Variants in GALNT11 observed in about 807,000 individuals in gnomAD.
The protein encoded by GALNT11 is polypeptide N-acetylgalactosaminyltransferase 11, also known as UDP-GalNAc:polypeptide N-acetylgalactosaminyltransferase 11.
A neutral mutation model predicts 72.7 loss-of-function variants in GALNT11; 47 were observed. That is an observed-to-expected ratio of 0.65 (90% CI 0.51 to 0.82). The LOEUF (loss-of-function observed/expected upper bound fraction) is 0.82, where lower values mean the gene tolerates loss of function less well. Ranked by LOEUF, GALNT11 falls within the 40% of genes least tolerant of loss-of-function variation. GALNT11 has a pLI of 0.00. For missense variants in GALNT11, 677 were observed against 778.4 expected, an observed-to-expected ratio of 0.87 and a Z score of 1.55; for synonymous variants, 270 against 286.6, an observed-to-expected ratio of 0.94 and a Z score of 0.58.
At chr7:152,029,250 C>G (rs899901339) in intron 1 of GALNT11, among the ~76,000 whole-genome samples, 9 of 152,152 alleles carry the variant, frequency 5.9e-5, no homozygotes, top group African/African-American at 2.2e-4. Flanking sequence ...TAGTTACTAT[C>G]CTTACTGGAT....
chr7:152,064,158 A>G (rs1040129319), intron 1 of GALNT11, among the ~76,000 whole-genome samples: 2 of 152,152 alleles, frequency 1.3e-5, no homozygotes, highest in African/African-American at 4.8e-5. Flanking sequence ...TTGGGTGCAT[A>G]TATATTTAGG....
In GALNT11 at chr7:152,120,889, T is replaced by C; in HGVS notation, c.1616T>C (p.Met539Thr). The change falls in exon 11 of 12, where the codon ATG (methionine) becomes ACG (threonine). Residue 539 changes from methionine (M) to threonine (T), a missense_variant. By Grantham distance (81) the Met-to-Thr change is moderately conservative. Transcript: ENST00000430044. ...LVLNSLLCLD[M>T]SETRSSDPPR... ...TTAAATAGTCTCCTTTGTCTAGATA[T>C]GTCAGAGACTCGCTCATCAGACCCG... 1 of 1,613,510 alleles carries C rather than the reference T, an allele frequency of 6.2e-7. No homozygotes were observed. The highest frequency in any genetic ancestry group is 8.5e-7 in the Non-Finnish European group (1 of 1,179,482).
At chr7:152,091,457 G>C (rs951098877) in intron 1 of GALNT11, among the ~76,000 whole-genome samples, 2 of 152,180 alleles carry the variant, frequency 1.3e-5, no homozygotes, top group East Asian at 3.9e-4. Flanking sequence ...GGCCGGGCTG[G>C]TCTCAAACTC....
intron 1 of GALNT11, among the ~76,000 whole-genome samples, chr7:152,046,916 G>A (rs1586981028): frequency 1.3e-5 from 2 of 152,044 alleles, no homozygotes; most frequent in Non-Finnish European, 2.9e-5. Flanking sequence ...ATTTTCTCTG[G>A]TGGTATGTTT....
At chr7:152,099,855 C>T (rs1227165031) in intron 2 of GALNT11, among the ~76,000 whole-genome samples, 3 of 144,476 alleles carry the variant, frequency 2.1e-5, no homozygotes, top group African/African-American at 7.7e-5. Context: ...ACCTTGATGT[C>T]CTGGGCTCAA....
intron 11 of GALNT11, 113 bp downstream of exon 11, chr7:152,121,081 G>A: frequency 7.7e-7 from 1 of 1,293,088 alleles, no homozygotes; most frequent in Non-Finnish European, 1.0e-6. Context: ...TCAGTCTGCA[G>A]TACAGTGGTC....
intron 1 of GALNT11, among the ~76,000 whole-genome samples, chr7:152,036,500 C>G (rs2082586680): frequency 6.6e-6 from 1 of 152,132 alleles, no homozygotes; most frequent in Non-Finnish European, 1.5e-5. Flanking sequence ...TGTTGATGGA[C>G]ATTTAGGTTG....
chr7:152,032,085 C>G lies in GALNT11; in HGVS notation c.-39+6201C>G, dbSNP rs147885841. 5.3e-3 allele frequency among the ~76,000 whole-genome samples: 802 copies of G among 152,282 alleles called. 8 individuals carry two copies. Among genetic ancestry groups the G allele is most frequent in the African/African-American group, 0.019 (771 of 41,538 alleles). ...CTAGATGCCTTGTACCCTTGATTAG[C>G]TAGAAAATTCAAGAGATCTAGAGTA... On this transcript the variant is annotated intron_variant, in intron 1 of 11. Coordinates refer to ENST00000430044, the MANE Select transcript of GALNT11 (RefSeq NM_022087.4).
chr7:152,106,210 AT>A (rs2087535256), intron 5 of GALNT11, among the ~76,000 whole-genome samples: 2 of 152,372 alleles, frequency 1.3e-5, no homozygotes, highest in South Asian at 4.1e-4. Flanking sequence ...TTTGAAAATC[AT>A]TTGAGAATGA....
intron 4 of GALNT11, 39 bp from the exon 5 acceptor site, chr7:152,105,206 T>C: frequency 6.3e-7 from 1 of 1,599,158 alleles, no homozygotes; most frequent in Non-Finnish European, 8.5e-7. Flanking sequence ...TTTATATATG[T>C]CTCATACAGT....
chr7:152,091,301 C>T (rs904405046), intron 1 of GALNT11, among the ~76,000 whole-genome samples: 15 of 147,178 alleles, frequency 1.0e-4, no homozygotes, highest in Non-Finnish European at 1.6e-4. Flanking sequence ...ATTGCAATGG[C>T]GCGATCTCGG....
At chr7:152,103,370 G>C in intron 4 of GALNT11, 92 bp downstream of exon 4, 1 of 1,328,386 alleles carries the variant, frequency 7.5e-7, no homozygotes, top group South Asian at 1.3e-5. Flanking sequence ...TCAAGTACGT[G>C]GTAGGTGGGG....
chr7:152,031,399 A>G (rs1337405486), intron 1 of GALNT11, among the ~76,000 whole-genome samples: 1 of 152,204 alleles, frequency 6.6e-6, no homozygotes, highest in Non-Finnish European at 1.5e-5. Flanking sequence ...AGGGCCACGC[A>G]TGTATGTATT....
intron 6 of GALNT11, among the ~76,000 whole-genome samples, chr7:152,109,118 C>T (rs905552341): frequency 1.3e-5 from 2 of 152,260 alleles, no homozygotes; most frequent in African/African-American, 4.8e-5. Flanking sequence ...AGTATCTCCG[C>T]TTTATGTTAC....
chr7:152,042,236 A>G (rs565259728), intron 1 of GALNT11, among the ~76,000 whole-genome samples: 5 of 152,356 alleles, frequency 3.3e-5, no homozygotes, highest in African/African-American at 9.6e-5. Flanking sequence ...AGTATTTTAA[A>G]TCTATGACTA....
Position 152,066,095 on chromosome 7 carries a change from G to T in GALNT11, c.-38-28095G>T, listed in dbSNP as rs534889429. Among the ~76,000 whole-genome samples the T allele has an allele frequency of 3.9e-5, 6 of 152,332 alleles. No individual in the cohort carries two copies. In the East Asian group the frequency reaches 1.2e-3, roughly 29 times the overall value. Reference sequence around the variant, plus strand: ...CTGCGGTGGGCTCCACCCAGTTTGAGCTTCCTGGCTGCTTTGTTTACCTAC... The same window carrying T: ...CTGCGGTGGGCTCCACCCAGTTTGATCTTCCTGGCTGCTTTGTTTACCTAC... On this transcript the variant is annotated intron_variant, in intron 1 of 11. Transcript: ENST00000430044.
chr7:152,032,116 C>CT (rs939542850), intron 1 of GALNT11, among the ~76,000 whole-genome samples: 28 of 151,814 alleles, frequency 1.8e-4, no homozygotes, highest in African/African-American at 6.3e-4. Flanking sequence ...GAGTAGCCTG[C>CT]TGGCATGAGG....
At chr7:152,102,851 C>T (rs370165550) in intron 3 of GALNT11, among the ~76,000 whole-genome samples, 221 of 151,816 alleles carry the variant, frequency 1.5e-3, no homozygotes, top group Admixed American at 3.3e-3. Context: ...TGTGGTGTCG[C>T]ATGCCTGTAA....
chr7:152,102,745 G>A (rs1204575146), intron 3 of GALNT11, among the ~76,000 whole-genome samples: 1 of 152,172 alleles, frequency 6.6e-6, no homozygotes, highest in Non-Finnish European at 1.5e-5. Flanking sequence ...ACTTTGGGAG[G>A]CTGGGGTGGG....
Sources: gnomAD v4.1 joint callset for allele counts (sites outside exome capture counted in the v4.1 genomes callset) on GRCh38, gnomAD v4.1.1 for gene constraint, MANE v1.5 for transcripts, NCBI Gene and HGNC (gene_info 2026-07-23, HGNC 2026-07-21) for gene names.